The following XYLT1 variants were observed in gnomAD, a reference collection of about 807,000 sequenced individuals.
XYLT1 encodes beta-D-xylosyltransferase 1.
In XYLT1, 36 loss-of-function variants were observed where a neutral mutation model predicts 91.3. The observed-to-expected ratio is 0.39, with a 90% CI of 0.30 to 0.52. The LOEUF is 0.52. XYLT1 is among the 20% of genes least tolerant of loss of function. XYLT1 has a pLI of 0.68. For missense variants in XYLT1, 1,242 were observed against 1,284.5 expected (o/e 0.97, Z 0.51); for synonymous variants, 588 against 532.0 (o/e 1.11, Z -1.45).
At chr16:17,199,171 T>C (rs2032486808) in intron 4 of XYLT1, among the ~76,000 whole-genome samples, 1 of 152,186 alleles carries the variant, frequency 6.6e-6, no homozygotes, top group Non-Finnish European at 1.5e-5. Context: ...CTCCTACTGA[T>C]TGCTCCTCCA....
intron 5 of XYLT1, among the ~76,000 whole-genome samples, chr16:17,159,713 T>A (rs1183204434): frequency 1.3e-5 from 2 of 152,240 alleles, no homozygotes; most frequent in African/African-American, 4.8e-5. Context: ...TGAAGTCCAA[T>A]ACAAACGAGT....
chr16:17,282,960 A>ACC (rs11392637), intron 2 of XYLT1, among the ~76,000 whole-genome samples: 13,092 of 150,934 alleles, frequency 0.087, 717 homozygotes, highest in Middle Eastern at 0.21. Context: ...GCAATAAGTC[A>ACC]CCCCCCCCAA....
chr16:17,406,725 A>G (rs971347317), intron 1 of XYLT1, among the ~76,000 whole-genome samples: 1 of 152,164 alleles, frequency 6.6e-6, no homozygotes, highest in Non-Finnish European at 1.5e-5. Flanking sequence ...AGGGACCACA[A>G]CGCCCATTTA....
chr16:17,441,043 CAAAT>C (rs2036525897), intron 1 of XYLT1, among the ~76,000 whole-genome samples: 1 of 152,004 alleles, frequency 6.6e-6, no homozygotes, highest in East Asian at 1.9e-4. Context: ...ATAAAACAAA[CAAAT>C]GTTACATATT....
At chr16:17,115,554 C>A (rs1379566905) in intron 11 of XYLT1, among the ~76,000 whole-genome samples, 3 of 150,846 alleles carry the variant, frequency 2.0e-5, no homozygotes, top group African/African-American at 7.3e-5. Flanking sequence ...TTTCGGTTCA[C>A]TGCAACCTCC....
intron 6 of XYLT1, among the ~76,000 whole-genome samples, chr16:17,158,030 AGCCACTGC>A (rs11277318): frequency 0.44 from 67,266 of 151,782 alleles, 15,879 homozygotes; most frequent in East Asian, 0.86. Context: ...TACAGGCATG[AGCCACTGC>A]GCCTGGCCTT....
chr16:17,222,475 T>C (rs111623739), intron 3 of XYLT1, among the ~76,000 whole-genome samples: 4,070 of 152,270 alleles, frequency 0.027, 71 homozygotes, highest in Admixed American at 0.039. Context: ...CTGAAAAAGA[T>C]TGTCTGAGGA....
intron 9 of XYLT1, among the ~76,000 whole-genome samples, chr16:17,132,179 G>C (rs994656498): frequency 1.3e-5 from 2 of 152,186 alleles, no homozygotes; most frequent in Non-Finnish European, 2.9e-5. Context: ...CTGTCTACTG[G>C]GGATACATGC....
At chr16:17,386,380 G>GA (rs2035747796) in intron 1 of XYLT1, among the ~76,000 whole-genome samples, 1 of 152,150 alleles carries the variant, frequency 6.6e-6, no homozygotes, top group Non-Finnish European at 1.5e-5. Context: ...AAGAGCTGGA[G>GA]GCGGGGAGGT....
At chr16:17,344,264 C>T (rs1053334156) in intron 2 of XYLT1, among the ~76,000 whole-genome samples, 17 of 150,622 alleles carry the variant, frequency 1.1e-4, no homozygotes, top group Admixed American at 2.0e-4. Context: ...GGGCGGATCA[C>T]GAGGTCAGGA....
intron 9 of XYLT1, among the ~76,000 whole-genome samples, chr16:17,129,194 G>A (rs534186404): frequency 2.1e-3 from 317 of 152,042 alleles, no homozygotes; most frequent in African/African-American, 7.3e-3. Flanking sequence ...CGACTGTGCT[G>A]TCATTCTACC....
At chr16:17,423,346 G>A (rs2036272643) in intron 1 of XYLT1, among the ~76,000 whole-genome samples, 1 of 149,660 alleles carries the variant, frequency 6.7e-6, no homozygotes, top group Non-Finnish European at 1.5e-5. Context: ...CTCCTCAGGG[G>A]CAGCTGAGTC....
chr16:17,299,348 C>T (rs1358638152), intron 2 of XYLT1, among the ~76,000 whole-genome samples: 1 of 152,190 alleles, frequency 6.6e-6, no homozygotes, highest in Non-Finnish European at 1.5e-5. Context: ...CCCCAGCAGG[C>T]TTCAGGACCA....
chr16:17,217,576 TC>T (rs1438385078), intron 3 of XYLT1, among the ~76,000 whole-genome samples: 1 of 152,206 alleles, frequency 6.6e-6, no homozygotes, highest in Non-Finnish European at 1.5e-5. Context: ...CCTCCCACCC[TC>T]CTCCTTCCCT....
intron 3 of XYLT1, among the ~76,000 whole-genome samples, chr16:17,255,600 A>G (rs2033618685): frequency 6.6e-6 from 1 of 152,192 alleles, no homozygotes; most frequent in African/African-American, 2.4e-5. Context: ...TTATTGCTAC[A>G]CTCTGTGTGC....
intron 1 of XYLT1, among the ~76,000 whole-genome samples, chr16:17,455,747 G>A (rs1163403363): frequency 1.3e-5 from 2 of 152,262 alleles, no homozygotes; most frequent in African/African-American, 4.8e-5. Flanking sequence ...CGGCGTCTGC[G>A]CATAAAGATG....
At chr16:17,409,097 C>A (rs2036069357) in intron 1 of XYLT1, among the ~76,000 whole-genome samples, 1 of 100,840 alleles carries the variant, frequency 9.9e-6, no homozygotes, top group Non-Finnish European at 2.2e-5. Context: ...TTTTTCAGAG[C>A]CACCACCTTC....
Position 17,117,979 on chromosome 16 carries a change from C to A in XYLT1, c.2224G>T (p.Val742Phe). The stretch of plus-strand genomic sequence containing the variant: ...TCCTTGGCATCCCAGTCAGTGCCGA[C>A]CTGAAACAGGGGAGTGAATTCTGAA... ...SDFGRLQFSE[V>F]GTDWDAKERL... is the part of the protein sequence containing the mutation. The change falls in exon 11 of 12, where the codon GTC (valine) becomes TTC (phenylalanine). Residue 742 changes from valine to phenylalanine, a missense_variant and splice_region_variant. By Grantham distance (50) the Val-to-Phe change is conservative. Coordinates refer to ENST00000261381, the MANE Select transcript of XYLT1 (RefSeq NM_022166.4). 1 of 1,606,326 alleles carries A rather than the reference C, an allele frequency of 6.2e-7. No homozygotes were observed. The highest frequency in any genetic ancestry group is 8.5e-7 in the Non-Finnish European group (1 of 1,174,332).
intron 6 of XYLT1, among the ~76,000 whole-genome samples, chr16:17,144,659 T>TTGA: frequency 6.6e-6 from 1 of 152,180 alleles, no homozygotes. Context: ...ATGACACAGA[T>TTGA]TGAAAAGGTC....
Sources: gnomAD v4.1 joint callset for allele counts (sites outside exome capture counted in the v4.1 genomes callset) on GRCh38, gnomAD v4.1.1 for gene constraint, MANE v1.5 for transcripts, NCBI Gene and HGNC (gene_info 2026-07-23, HGNC 2026-07-21) for gene names.